Variants in CRY1 observed in about 807,000 individuals in gnomAD.
CRY1 encodes the protein cryptochrome-1.
CRY1 carries 45 observed loss-of-function variants against 76.0 expected under a neutral mutation model. The ratio of observed to expected loss-of-function variants is 0.59; its 90% CI spans 0.47 to 0.76. The LOEUF is 0.76. Among genes scored for constraint, CRY1 ranks in the 30% least tolerant of loss-of-function variants. The probability of loss-of-function intolerance (pLI) is 0.00; values close to 1 mark genes in which losing one functional copy is unlikely to be tolerated. For synonymous variants in CRY1, 248 were observed against 244.0 expected, an observed-to-expected ratio of 1.02 and a Z score of -0.15; for missense variants, 587 against 716.4, an observed-to-expected ratio of 0.82 and a Z score of 2.06.
At chr12:107,019,717 T>C (rs896026891) in intron 2 of CRY1, among the ~76,000 whole-genome samples, 3 of 151,954 alleles carry the variant, frequency 2.0e-5, no homozygotes, top group African/African-American at 7.3e-5. Context: ...TGCCTGAGGC[T>C]AGAAGATTGA....
At chr12:107,075,552 T>C (rs1489372625) in intron 1 of CRY1, among the ~76,000 whole-genome samples, 1 of 152,130 alleles carries the variant, frequency 6.6e-6, no homozygotes, top group Admixed American at 6.6e-5. Context: ...CGGGTGTAAT[T>C]TACACAGGAA....
At chr12:107,059,623 AAAT>A (rs1402506209) in intron 1 of CRY1, among the ~76,000 whole-genome samples, 2 of 152,190 alleles carry the variant, frequency 1.3e-5, no homozygotes, top group Non-Finnish European at 2.9e-5. Flanking sequence ...ACAATTTAAT[AAAT>A]AGTTCTCCAA....
In CRY1 at chr12:107,001,303, A is replaced by C; in HGVS notation, c.661T>G (p.Leu221Val). 1 of 1,613,746 alleles carries C rather than the reference A, an allele frequency of 6.2e-7. No individual in the cohort carries two copies. Among genetic ancestry groups the C allele is most frequent in the South Asian group, 1.1e-5 (1 of 91,028 alleles). ...PGGETEALTR[L>V]ERHLERKAWV... is the part of the protein sequence containing the mutation. The stretch of plus-strand genomic sequence containing the variant: ...ACTTTTCTTTCCAAATGCCTTTCCA[A>C]ACGAGTAAGTGCTTCAGTTTCTCCA... Residue 221 changes from leucine (L) to valine (V), a missense_variant, in exon 5 of 13, where the codon TTG becomes GTG. Coordinates refer to ENST00000008527, the MANE Select transcript of CRY1 (RefSeq NM_004075.5).
chr12:107,043,508 C>CGAG (rs956935302), intron 1 of CRY1, among the ~76,000 whole-genome samples: 8 of 152,054 alleles, frequency 5.3e-5, no homozygotes, highest in African/African-American at 1.9e-4. Context: ...TTGGCTGAGC[C>CGAG]GAGCAGCTGC....
chr12:106,999,752 G>A lies in CRY1; in HGVS notation c.936C>T (p.Asn312=), dbSNP rs1163410967. The A allele has an allele frequency of 6.2e-6, 10 of 1,614,104 alleles. 1 individual carries two copies. The South Asian group carries it at 7.7e-5, about 12-fold the overall frequency. Residue 312 remains asparagine, a synonymous_variant, in exon 7 of 13, where the codon AAC becomes AAT. Transcript: ENST00000008527. ...NNPRFDKMEG[N]PICVQIPWDK... ...CCCAAGGAATCTGAACACAGATAGG[G>A]TTTCCTTCCATTTTATCAAAGCGTG...
At chr12:107,074,286 T>C (rs1953224045) in intron 1 of CRY1, among the ~76,000 whole-genome samples, 1 of 152,204 alleles carries the variant, frequency 6.6e-6, no homozygotes, top group Non-Finnish European at 1.5e-5. Context: ...GCACATTCTC[T>C]AAGACATATA....
intron 1 of CRY1, among the ~76,000 whole-genome samples, chr12:107,074,361 C>T (rs1953224761): frequency 6.6e-6 from 1 of 152,130 alleles, no homozygotes; most frequent in Non-Finnish European, 1.5e-5. Flanking sequence ...TGCTGGCCTA[C>T]ATCACTTAAA....
intron 1 of CRY1, among the ~76,000 whole-genome samples, chr12:107,076,123 G>C (rs534609375): frequency 2.0e-5 from 3 of 151,818 alleles, no homozygotes; most frequent in Non-Finnish European, 4.4e-5. Flanking sequence ...AGGTATTCAA[G>C]TATGCAACTA....
chr12:107,039,943 A>C (rs1489951747), intron 1 of CRY1, among the ~76,000 whole-genome samples: 4 of 152,240 alleles, frequency 2.6e-5, no homozygotes, highest in African/African-American at 9.6e-5. Flanking sequence ...TTATACATAC[A>C]TACATATACA....
intron 1 of CRY1, among the ~76,000 whole-genome samples, chr12:107,072,312 A>C (rs1490442437): frequency 5.9e-5 from 9 of 152,236 alleles, no homozygotes; most frequent in Admixed American, 5.9e-4. Flanking sequence ...TTGACTCAAT[A>C]AACCTTCCAG....
intron 1 of CRY1, among the ~76,000 whole-genome samples, chr12:107,037,025 T>C (rs1593517722): frequency 6.6e-6 from 1 of 152,142 alleles, no homozygotes; most frequent in African/African-American, 2.4e-5. Context: ...GTAAATTCCA[T>C]GAAAGTAAGG....
intron 1 of CRY1, among the ~76,000 whole-genome samples, chr12:107,067,208 T>TA (rs1298922563): frequency 6.6e-6 from 1 of 151,786 alleles, no homozygotes; most frequent in African/African-American, 2.4e-5. Flanking sequence ...AAGGGCTGCA[T>TA]AAAAAAAAGA....
chr12:107,012,688 A>G (rs1952458447), intron 2 of CRY1, among the ~76,000 whole-genome samples: 1 of 152,258 alleles, frequency 6.6e-6, no homozygotes, highest in African/African-American at 2.4e-5. Context: ...GGGTCTGAGC[A>G]AAGTAAATTG....
chr12:106,999,278 T>C (rs1039626480), intron 7 of CRY1, among the ~76,000 whole-genome samples: 5 of 152,160 alleles, frequency 3.3e-5, no homozygotes, highest in Non-Finnish European at 5.9e-5. Context: ...TATCAACAAA[T>C]TCAGTGTTAA....
At chr12:107,000,594 C>A (rs1375480697) in intron 5 of CRY1, among the ~76,000 whole-genome samples, 1 of 151,668 alleles carries the variant, frequency 6.6e-6, no homozygotes, top group Admixed American at 6.6e-5. Context: ...AAATGATCTG[C>A]CCACCTCAGC....
chr12:107,046,405 T>A lies in CRY1; in HGVS notation c.159-24213A>T, dbSNP rs144533874. Reference sequence around the variant, plus strand: ...CACTGGTAGAACAGATAACACAAATTAGAAAAAGAATAAAAACTTACAACT... The same window carrying A: ...CACTGGTAGAACAGATAACACAAATAAGAAAAAGAATAAAAACTTACAACT... On this transcript the variant is annotated intron_variant, in intron 1 of 12. Transcript: ENST00000008527. Among the ~76,000 whole-genome samples, 302 of 151,504 alleles carry A rather than the reference T, an allele frequency of 2.0e-3. 1 individual carries two copies. The highest frequency in any genetic ancestry group is 6.7e-3 in the African/African-American group (276 of 41,320).
At chr12:107,004,927 A>G (rs1422200105) in intron 3 of CRY1, among the ~76,000 whole-genome samples, 179 bp downstream of exon 3, 1 of 152,036 alleles carries the variant, frequency 6.6e-6, no homozygotes, top group African/African-American at 2.4e-5. Context: ...AGGATTTGAC[A>G]TATGTTCACT....
chr12:107,054,376 AATTT>A (rs1164096189), intron 1 of CRY1, among the ~76,000 whole-genome samples: 1 of 151,650 alleles, frequency 6.6e-6, no homozygotes, highest in Non-Finnish European at 1.5e-5. Context: ...TTAATTAATA[AATTT>A]ATTAAGTCTG....
intron 3 of CRY1, among the ~76,000 whole-genome samples, chr12:107,002,432 C>T (rs542339827): frequency 6.6e-6 from 1 of 152,168 alleles, no homozygotes; most frequent in South Asian, 2.1e-4. Context: ...TTTGAGTTTA[C>T]AACACATTAT....
Sources: gnomAD v4.1 joint callset for allele counts (sites outside exome capture counted in the v4.1 genomes callset) on GRCh38, gnomAD v4.1.1 for gene constraint, MANE v1.5 for transcripts, NCBI Gene and HGNC (gene_info 2026-07-23, HGNC 2026-07-21) for gene names.